Variants in FAT3 observed in about 807,000 individuals in gnomAD.
FAT3 encodes protocadherin Fat 3.
A neutral mutation model predicts 310.2 loss-of-function variants in FAT3; 95 were observed. The observed-to-expected ratio is 0.31, with a 90% CI of 0.26 to 0.36. FAT3 has a LOEUF of 0.36. Ranked by LOEUF, FAT3 falls within the 10% of genes least tolerant of loss-of-function variation. FAT3 has a pLI of 1.00. For synonymous variants in FAT3, 2,314 were observed against 2,192.9 expected, an observed-to-expected ratio of 1.06 and a Z score of -1.54; for missense variants, 5,408 against 5,715.6, an observed-to-expected ratio of 0.95 and a Z score of 1.74.
chr11:92,857,055 G>A (rs573619706), intron 19 of FAT3, among the ~76,000 whole-genome samples, 159 bp from the exon 20 acceptor site: 1 of 152,330 alleles, frequency 6.6e-6, no homozygotes, highest in Non-Finnish European at 1.5e-5. Flanking sequence ...CCATTCAGGT[G>A]TGCCTACTTC....
intron 12 of FAT3, among the ~76,000 whole-genome samples, chr11:92,809,425 G>C (rs1254405541): frequency 1.3e-5 from 2 of 152,168 alleles, no homozygotes; most frequent in Non-Finnish European, 2.9e-5. Flanking sequence ...GGGTCTATGG[G>C]TTGTTGACAA....
intron 3 of FAT3, among the ~76,000 whole-genome samples, chr11:92,533,430 C>T (rs746716873): frequency 1.3e-5 from 2 of 152,064 alleles, no homozygotes; most frequent in Non-Finnish European, 2.9e-5. Flanking sequence ...ATTTGACTCC[C>T]CAATTAAGTT....
At chr11:92,339,280 G>A (rs1368787489) in intron 1 of FAT3, among the ~76,000 whole-genome samples, 1 of 152,156 alleles carries the variant, frequency 6.6e-6, no homozygotes, top group East Asian at 1.9e-4. Context: ...AAAAATGTCT[G>A]TAGAGATTGC....
intron 1 of FAT3, among the ~76,000 whole-genome samples, chr11:92,231,435 A>G (rs1864176465): frequency 6.6e-6 from 1 of 152,204 alleles, no homozygotes; most frequent in African/African-American, 2.4e-5. Context: ...TTTTCAGAGC[A>G]GTTGCAAATA....
intron 3 of FAT3, among the ~76,000 whole-genome samples, chr11:92,645,356 G>A (rs1942111185): frequency 6.6e-6 from 1 of 152,142 alleles, no homozygotes; most frequent in Admixed American, 6.5e-5. Context: ...CTGTTTTGAT[G>A]TTGACATTTT....
chr11:92,428,870 A>G (rs1950699972), intron 2 of FAT3, among the ~76,000 whole-genome samples: 1 of 152,138 alleles, frequency 6.6e-6, no homozygotes, highest in Admixed American at 6.5e-5. Context: ...TTCGGGGTGG[A>G]GAGTTCTGCA....
intron 1 of FAT3, among the ~76,000 whole-genome samples, chr11:92,245,225 G>A (rs1864849440): frequency 6.6e-6 from 1 of 151,984 alleles, no homozygotes. Context: ...AGCATTCTCA[G>A]CAAACTAACA....
intron 2 of FAT3, among the ~76,000 whole-genome samples, chr11:92,423,453 A>G (rs1189019949): frequency 1.3e-5 from 2 of 152,182 alleles, no homozygotes; most frequent in Admixed American, 6.5e-5. Context: ...CTATAAATCT[A>G]TCTTTAGCTC....
chr11:92,784,582 C>G (rs1273901208), intron 7 of FAT3, among the ~76,000 whole-genome samples: 1 of 152,172 alleles, frequency 6.6e-6, no homozygotes, highest in Non-Finnish European at 1.5e-5. Flanking sequence ...GAAGAGATTT[C>G]CTATATTCGG....
At chr11:92,574,695 T>G (rs1487157630) in intron 3 of FAT3, among the ~76,000 whole-genome samples, 1 of 152,212 alleles carries the variant, frequency 6.6e-6, no homozygotes, top group Non-Finnish European at 1.5e-5. Context: ...GAGCTTCTAG[T>G]AAACATTCTG....
chr11:92,542,456 G>A lies in FAT3; in HGVS notation c.3607+17508G>A, dbSNP rs934976085. ...ATCTAATAAGGGGCTAATAAATAGGGTATATTAGGAACTCAAATAATTCAA... is the reference window on the plus strand; with the variant it reads ...ATCTAATAAGGGGCTAATAAATAGGATATATTAGGAACTCAAATAATTCAA... On this transcript the variant is annotated intron_variant, in intron 3 of 27. Coordinates refer to ENST00000525166, the MANE Select transcript of FAT3 (RefSeq NM_001367949.2). 5.3e-5 allele frequency among the ~76,000 whole-genome samples: 8 copies of A among 151,678 alleles called. No homozygotes were observed. The East Asian group carries it at 1.6e-3, about 29-fold the overall frequency.
Position 92,798,041 on chromosome 11 carries a change from C to T in FAT3, c.5028C>T (p.Tyr1676=), listed in dbSNP as rs779658640. ...NSHPKFIHKD[Y]QAEVNENVDI... ...ACCCCAAGTTCATTCACAAAGACTA[C>T]CAAGCAGAAGTAAATGAAAATGTTG... Residue 1676 remains tyrosine, a synonymous_variant, in exon 10 of 28, where the codon TAC becomes TAT. Coordinates refer to ENST00000525166, the MANE Select transcript of FAT3 (RefSeq NM_001367949.2). 2.7e-5 allele frequency: 43 copies of T among 1,613,714 alleles called. No homozygotes were observed. Among genetic ancestry groups the T allele is most frequent in the Non-Finnish European group, 3.1e-5 (36 of 1,179,862 alleles).
chr11:92,330,448 T>A (rs1164271480), intron 1 of FAT3, among the ~76,000 whole-genome samples: 2 of 152,228 alleles, frequency 1.3e-5, no homozygotes, highest in African/African-American at 4.8e-5. Flanking sequence ...TCCTCAGCGG[T>A]ACAATGAAAG....
intron 19 of FAT3, among the ~76,000 whole-genome samples, chr11:92,846,565 A>C (rs896560743): frequency 6.6e-6 from 1 of 152,208 alleles, no homozygotes; most frequent in African/African-American, 2.4e-5. Context: ...ATAATTCTTT[A>C]AAAGAAGGAT....
intron 1 of FAT3, among the ~76,000 whole-genome samples, chr11:92,241,242 G>A (rs189443402): frequency 5.4e-4 from 82 of 152,186 alleles, no homozygotes; most frequent in Non-Finnish European, 1.0e-3. Context: ...GAGCTTAACA[G>A]CTCCTTCTTG....
chr11:92,555,685 G>A (rs1954992655), intron 3 of FAT3, among the ~76,000 whole-genome samples: 1 of 152,156 alleles, frequency 6.6e-6, no homozygotes, highest in Non-Finnish European at 1.5e-5. Flanking sequence ...ACTAATCCTG[G>A]CAGCTACTCT....
At chr11:92,399,535 T>G (rs1343385098) in intron 2 of FAT3, among the ~76,000 whole-genome samples, 3 of 152,174 alleles carry the variant, frequency 2.0e-5, no homozygotes, top group Non-Finnish European at 4.4e-5. Flanking sequence ...TTAACAAAAC[T>G]GGCAAACTAG....
chr11:92,294,379 A>G (rs368784875), intron 1 of FAT3, among the ~76,000 whole-genome samples: 1 of 152,028 alleles, frequency 6.6e-6, no homozygotes, highest in Non-Finnish European at 1.5e-5. Flanking sequence ...TGGAAGGGAC[A>G]CACACATTCA....
intron 3 of FAT3, among the ~76,000 whole-genome samples, chr11:92,620,600 T>C (rs527520785): frequency 6.6e-6 from 1 of 152,340 alleles, no homozygotes; most frequent in African/African-American, 2.4e-5. Context: ...TAGGGAAACT[T>C]GTTTTAATTT....
Sources: gnomAD v4.1 joint callset for allele counts (sites outside exome capture counted in the v4.1 genomes callset) on GRCh38, gnomAD v4.1.1 for gene constraint, MANE v1.5 for transcripts, NCBI Gene and HGNC (gene_info 2026-07-23, HGNC 2026-07-21) for gene names.